The following HJURP variants were observed in gnomAD, a reference collection of about 807,000 sequenced individuals.
The protein encoded by HJURP is 14-3-3-associated AKT substrate.
A neutral mutation model predicts 72.0 loss-of-function variants in HJURP; 49 were observed. That is an observed-to-expected ratio of 0.68 (90% CI 0.54 to 0.86). The LOEUF (loss-of-function observed/expected upper bound fraction) is 0.86, where lower values mean the gene tolerates loss of function less well. HJURP is among the 40% of genes least tolerant of loss of function. The pLI is 0.00. For synonymous variants in HJURP, 357 were observed against 347.1 expected (o/e 1.03, Z -0.32); for missense variants, 908 against 936.3 (o/e 0.97, Z 0.39).
Position 233,837,504 on chromosome 2 carries a change from A to G in HJURP, c.*73T>C. ...AAGTCAACCAAGTCCTCACAGTCTC[A>G]AGAATCAAAAACAAAACAAAAATAC... On this transcript the variant is annotated 3_prime_UTR_variant, in exon 9 of 9. Transcript: ENST00000411486. 1 of 1,065,778 alleles carries G rather than the reference A, an allele frequency of 9.4e-7. No individual in the cohort carries two copies. Among genetic ancestry groups the G allele is most frequent in the Admixed American group, 1.8e-5 (1 of 55,020 alleles). The allele number at this position is 1,065,778 out of a possible 1,614,324, so 66.0% of individuals were successfully genotyped here. A position where few individuals can be genotyped will look rare whatever the true frequency, so the allele number is the denominator to read the frequency against.
chr2:233,844,435 C>T (rs1315331611), intron 6 of HJURP, 152 bp from the exon 7 acceptor site: 15 of 648,384 alleles, frequency 2.3e-5, no homozygotes, highest in Non-Finnish European at 3.1e-5. Flanking sequence ...AGCTAGGCTT[C>T]GGGCAGTGGG....
chr2:233,852,046 A>G (rs772138934), intron 3 of HJURP, among the ~76,000 whole-genome samples: 13 of 152,224 alleles, frequency 8.5e-5, no homozygotes, highest in Admixed American at 3.3e-4. Flanking sequence ...GAGCGACAAC[A>G]CCCTCGGATC....
rs775953091 is a variant in HJURP at position 233,840,718 on chromosome 2, G to T, written c.2062C>A (p.Pro688Thr). ...FPAKRPRLSE[P>T]QGSGRQGNSL... is the part of the protein sequence containing the mutation. ...TTGCCCTGGCGTCCGGAGCCCTGGGGTTCTGATAGCCTGGGTCTTTTTGCA... is the reference window on the plus strand; with the variant it reads ...TTGCCCTGGCGTCCGGAGCCCTGGGTTTCTGATAGCCTGGGTCTTTTTGCA... The change falls in exon 8 of 9, where the codon CCC becomes ACC. Residue 688 changes from proline (P) to threonine (T), a missense_variant. By Grantham distance (38) the Pro-to-Thr change is conservative (BLOSUM62 -1). Around this residue, in one of 3 missense-constraint regions of HJURP, gnomAD observed 598 missense variants for 619.5 expected, o/e 0.97. Coordinates refer to ENST00000411486, the MANE Select transcript of HJURP (RefSeq NM_018410.5). 1 of 1,614,096 alleles carries T rather than the reference G, an allele frequency of 6.2e-7. No homozygotes were observed. The highest frequency in any genetic ancestry group is 8.5e-7 in the Non-Finnish European group (1 of 1,180,016).
rs1705110883 is a variant in HJURP, at chr2:233,837,655, AG to A, written c.2172-4del. ...TCCTGTAAGACGTGTTCTCTCCTCT[AG>A]GAAAAAAAAAAGACAAAGAAAATGA... On this transcript the variant is annotated splice_region_variant and splice_polypyrimidine_tract_variant and intron_variant, in intron 8 of 8. Coordinates refer to ENST00000411486, the MANE Select transcript of HJURP (RefSeq NM_018410.5). 3.8e-6 allele frequency: 6 copies of A among 1,579,624 alleles called. No homozygotes were observed. The highest frequency in any genetic ancestry group is 1.2e-5 in the South Asian group (1 of 85,892).
At chr2:233,842,740 A>C (rs1705264068) in intron 7 of HJURP, among the ~76,000 whole-genome samples, 1 of 152,242 alleles carries the variant, frequency 6.6e-6, no homozygotes, top group Non-Finnish European at 1.5e-5. Flanking sequence ...CTAAGGATAA[A>C]AAGAGCTGCT....
chr2:233,847,328 T>C, intron 5 of HJURP, 69 bp downstream of exon 5: 2 of 1,237,778 alleles, frequency 1.6e-6, no homozygotes, highest in Non-Finnish European at 2.4e-6. Context: ...TCAGGCCACA[T>C]GGGCTTTGAT....
intron 6 of HJURP, among the ~76,000 whole-genome samples, chr2:233,844,975 T>A (rs56896619): frequency 1.9e-5 from 2 of 106,068 alleles, no homozygotes; most frequent in African/African-American, 7.3e-5. Context: ...ATCCCCCCCC[T>A]CCCAACATGA....
chr2:233,852,664 G>A lies in HJURP; in HGVS notation c.185-44C>T, dbSNP rs779956505. 1.4e-5 allele frequency: 20 copies of A among 1,394,886 alleles called. No homozygotes were observed. The Admixed American group carries it at 2.0e-4, about 14-fold the overall frequency. 86.4% of individuals were successfully genotyped at this position (1,394,886 alleles called of 1,614,324 possible). ...AATGACCATTTACATAATCCTGAAC[G>A]CTGAACTTCTGCTCAATCTGTGTTC... On this transcript the variant is annotated intron_variant, in intron 2 of 8. Coordinates refer to ENST00000411486, the MANE Select transcript of HJURP (RefSeq NM_018410.5).
chr2:233,837,850 C>T (rs979180441), intron 8 of HJURP, among the ~76,000 whole-genome samples, 198 bp from the exon 9 acceptor site: 4 of 152,246 alleles, frequency 2.6e-5, no homozygotes, highest in East Asian at 1.9e-4. Context: ...ACCCTGCTCC[C>T]CACACTCCCC....
intron 3 of HJURP, among the ~76,000 whole-genome samples, chr2:233,852,346 G>T (rs1351448982): frequency 6.6e-6 from 1 of 152,208 alleles, no homozygotes; most frequent in Non-Finnish European, 1.5e-5. Context: ...AACACAGGGT[G>T]ATGAAAAAGG....
chr2:233,838,152 C>T (rs547422184), intron 8 of HJURP, among the ~76,000 whole-genome samples: 4 of 152,288 alleles, frequency 2.6e-5, no homozygotes, highest in Non-Finnish European at 4.4e-5. Context: ...TCTCTTTCCT[C>T]AAGAAATCTA....
Position 233,841,887 on chromosome 2 carries a change from C to T in HJURP, c.893G>A (p.Arg298Lys). 2.5e-6 allele frequency: 4 copies of T among 1,614,220 alleles called. No homozygotes were observed. Among genetic ancestry groups the T allele is most frequent in the Non-Finnish European group, 3.4e-6 (4 of 1,180,044 alleles). Residue 298 changes from arginine to lysine, a missense_variant, in exon 8 of 9, where the codon AGG becomes AAG. Coordinates refer to ENST00000411486, the MANE Select transcript of HJURP (RefSeq NM_018410.5). ...GTTCATCCTGCTCTTATATCTGTGC[C>T]TCCTCCTGGAGTTCCAGTTTTGCAT... is the stretch of plus-strand genomic sequence containing the variant. ...FIMQNWNSRR[R>K]HRYKSRMNKT...
chr2:233,848,869 G>A (rs1000764120), intron 4 of HJURP, among the ~76,000 whole-genome samples: 2 of 152,138 alleles, frequency 1.3e-5, no homozygotes, highest in Non-Finnish European at 1.5e-5. Context: ...GACGGGAGGC[G>A]AGCAGACTGC....
chr2:233,849,325 G>A (rs946086758), intron 4 of HJURP, among the ~76,000 whole-genome samples: 1 of 152,170 alleles, frequency 6.6e-6, no homozygotes, highest in African/African-American at 2.4e-5. Context: ...ACAGAAGGAA[G>A]GGGTGAGGGA....
chr2:233,854,306 C>T, intron 1 of HJURP, 78 bp downstream of exon 1: 2 of 1,007,762 alleles, frequency 2.0e-6, no homozygotes, highest in Non-Finnish European at 2.9e-6. Context: ...GAGCCCCTTC[C>T]CTTCCCGTCC....
rs1440295387 is a variant in HJURP, at chr2:233,842,075, G to A, written c.705C>T (p.Ser235=). ...MALVPRNDSL[S]LQETSSSSFL... ...AGCTGCTGCTACTGGTCTCTTGTAG[G>A]GAGAGGCTGTCATTTCTAGGTACTA... is the stretch of plus-strand genomic sequence containing the variant. The change falls in exon 8 of 9, where the codon TCC becomes TCT. Residue 235 remains serine (S), a synonymous_variant. Transcript: ENST00000411486. The A allele has an allele frequency of 6.2e-7, 1 of 1,614,176 alleles. No homozygotes were observed. Among genetic ancestry groups the A allele is most frequent in the African/African-American group, 1.3e-5 (1 of 75,036 alleles).
rs563596714 is a variant in HJURP, at chr2:233,839,572, C to T, written c.2171+1037G>A. Among the ~76,000 whole-genome samples the T allele has an allele frequency of 1.2e-4, 19 of 152,302 alleles. No individual in the cohort carries two copies. The South Asian group carries it at 1.5e-3, about 12-fold the overall frequency. ...GAGTGTGGTCTCTGCCATGCACAGG[C>T]GGGACTGCAGGCTTCGAAGGCAGGC... On this transcript the variant is annotated intron_variant, in intron 8 of 8. Coordinates refer to ENST00000411486, the MANE Select transcript of HJURP (RefSeq NM_018410.5).
chr2:233,849,145 G>A (rs1358515058), intron 4 of HJURP, among the ~76,000 whole-genome samples: 1 of 152,184 alleles, frequency 6.6e-6, no homozygotes, highest in African/African-American at 2.4e-5. Flanking sequence ...GGAATCCATG[G>A]CACCAAACGG....
chr2:233,848,622 G>A (rs933274986), intron 4 of HJURP, among the ~76,000 whole-genome samples: 5 of 152,180 alleles, frequency 3.3e-5, no homozygotes, highest in Admixed American at 1.3e-4. Flanking sequence ...GAGGGAAGAC[G>A]GCAGGGGCCT....
Sources: allele counts gnomAD v4.1 joint callset (sites outside exome capture counted in the v4.1 genomes callset), GRCh38; gene constraint gnomAD v4.1.1; regional missense constraint gnomAD v4.1.1; transcripts MANE v1.5; gene names NCBI Gene and HGNC (gene_info 2026-07-23, HGNC 2026-07-21).